The following SCHIP1 variants were observed in gnomAD, a reference collection of about 807,000 sequenced individuals.
SCHIP1 encodes schwannomin-interacting protein 1.
SCHIP1 carries 8 observed loss-of-function variants against 29.7 expected under a neutral mutation model. The ratio of observed to expected loss-of-function variants is 0.27; its 90% CI spans 0.16 to 0.49. The LOEUF is 0.49. Among genes scored for constraint, SCHIP1 ranks in the 20% least tolerant of loss-of-function variants. SCHIP1 has a pLI of 0.99. For missense variants in SCHIP1, 193 were observed against 294.6 expected (o/e 0.66, Z 2.52); for synonymous variants, 76 against 94.9 (o/e 0.80, Z 1.16).
the SCHIP1 span, among the ~76,000 whole-genome samples, chr3:159,311,179 C>G: frequency 6.6e-6 from 1 of 151,930 alleles, no homozygotes; most frequent in African/African-American, 2.4e-5. Context: ...TTAGAGCTTC[C>G]TTTTTGCTGT....
the SCHIP1 span, among the ~76,000 whole-genome samples, chr3:159,406,467 G>A: frequency 1.3e-5 from 2 of 152,192 alleles, no homozygotes; most frequent in East Asian, 3.8e-4. Context: ...CACCAGATCT[G>A]TCCTACAAGA....
chr3:159,839,441 A>G (rs1174567205), upstream of SCHIP1, among the ~76,000 whole-genome samples: 3 of 152,088 alleles, frequency 2.0e-5, no homozygotes, highest in Admixed American at 2.0e-4. Context: ...CTAGGAGCCA[A>G]AAATAAGCAG....
the SCHIP1 span, among the ~76,000 whole-genome samples, chr3:159,792,273 C>T: frequency 6.6e-6 from 1 of 152,248 alleles, no homozygotes; most frequent in African/African-American, 2.4e-5. Flanking sequence ...GAGACTCAGG[C>T]GGTGTGGAAG....
At chr3:159,729,870 C>A in the SCHIP1 span, among the ~76,000 whole-genome samples, 1 of 152,122 alleles carries the variant, frequency 6.6e-6, no homozygotes, top group African/African-American at 2.4e-5. Flanking sequence ...GAATGTACAT[C>A]AATAAGACAC....
At chr3:159,673,274 T>C in the SCHIP1 span, among the ~76,000 whole-genome samples, 10,352 of 152,302 alleles carry the variant, frequency 0.068, 699 homozygotes, top group African/African-American at 0.18. Flanking sequence ...GTCTCAGCTG[T>C]GCAGAGCCTG....
chr3:159,393,979 TTTTATCTCA>T, the SCHIP1 span, among the ~76,000 whole-genome samples: 17 of 152,138 alleles, frequency 1.1e-4, no homozygotes, highest in African/African-American at 3.9e-4. Flanking sequence ...TTGTATCCTC[TTTTATCTCA>T]TTGAGCAATG....
the SCHIP1 span, among the ~76,000 whole-genome samples, chr3:159,665,633 C>G: frequency 6.6e-6 from 1 of 152,058 alleles, no homozygotes; most frequent in African/African-American, 2.4e-5. Context: ...CCAGTGGTCT[C>G]CAGATAGGGG....
the SCHIP1 span, among the ~76,000 whole-genome samples, chr3:159,817,598 T>G: frequency 3.1e-3 from 467 of 152,334 alleles, 3 homozygotes; most frequent in African/African-American, 0.011. Flanking sequence ...AAAGAATACT[T>G]TCTTCTACTA....
At chr3:159,334,063 T>C in the SCHIP1 span, among the ~76,000 whole-genome samples, 2 of 152,228 alleles carry the variant, frequency 1.3e-5, no homozygotes, top group Non-Finnish European at 2.9e-5. Flanking sequence ...CCAAAGATCA[T>C]GTTTTATGGG....
chr3:159,878,793 TAAAATAAAAAAATAAA>T (rs200126180), intron 2 of SCHIP1, among the ~76,000 whole-genome samples: 2 of 142,570 alleles, frequency 1.4e-5, no homozygotes, highest in Non-Finnish European at 1.5e-5. Context: ...AAAAATAAAA[TAAAATAAAAAAATAAA>T]AAAATAAAAA....
At chr3:159,601,551 C>T in the SCHIP1 span, among the ~76,000 whole-genome samples, 1 of 152,116 alleles carries the variant, frequency 6.6e-6, no homozygotes, top group Non-Finnish European at 1.5e-5. Context: ...GTCATATTCT[C>T]TATATGAGAG....
the SCHIP1 span, among the ~76,000 whole-genome samples, chr3:159,736,281 G>A: frequency 1.3e-5 from 2 of 152,360 alleles, no homozygotes; most frequent in Admixed American, 1.3e-4. Context: ...AAATGCAGAT[G>A]TGGCTTAAAA....
chr3:159,799,194 G>T, the SCHIP1 span, among the ~76,000 whole-genome samples: 6 of 152,198 alleles, frequency 3.9e-5, no homozygotes, highest in Non-Finnish European at 7.3e-5. Context: ...TCTTCCTGAG[G>T]TAATAGATGT....
the SCHIP1 span, among the ~76,000 whole-genome samples, chr3:159,659,974 A>G: frequency 6.6e-6 from 1 of 152,230 alleles, no homozygotes; most frequent in African/African-American, 2.4e-5. Context: ...TTCAAGCAAC[A>G]TAGGACACCA....
chr3:159,430,282 G>GAAA, the SCHIP1 span, among the ~76,000 whole-genome samples: 47 of 152,050 alleles, frequency 3.1e-4, no homozygotes, highest in Non-Finnish European at 7.4e-5. Context: ...TTTTCTAATG[G>GAAA]AAAAAAAGCC....
At chr3:159,315,901 A>AT in the SCHIP1 span, among the ~76,000 whole-genome samples, 1 of 147,936 alleles carries the variant, frequency 6.8e-6, no homozygotes, top group Non-Finnish European at 1.5e-5. Flanking sequence ...AAGGGTCTTC[A>AT]TCAAGTCACT....
the SCHIP1 span, chr3:159,765,464 C>A: frequency 3.7e-6 from 1 of 269,876 alleles, no homozygotes; most frequent in Non-Finnish European, 6.9e-6. Context: ...AAAATAAATC[C>A]GGGGAGATTC....
chr3:159,641,691 C>T, the SCHIP1 span, among the ~76,000 whole-genome samples: 1 of 152,016 alleles, frequency 6.6e-6, no homozygotes, highest in Non-Finnish European at 1.5e-5. Context: ...GTAATTCACC[C>T]AAATGGGTGG....
At chr3:159,359,132 T>C in the SCHIP1 span, among the ~76,000 whole-genome samples, 3 of 152,092 alleles carry the variant, frequency 2.0e-5, no homozygotes, top group East Asian at 5.8e-4. Context: ...TTCACCATGT[T>C]GGCCAGGATG....
Sources: allele counts gnomAD v4.1 joint callset (sites outside exome capture counted in the v4.1 genomes callset), GRCh38; gene constraint gnomAD v4.1.1; transcripts MANE v1.5; gene names NCBI Gene and HGNC (gene_info 2026-07-23, HGNC 2026-07-21).